The following DCXR variants were observed in gnomAD, a reference collection of about 807,000 sequenced individuals.
DCXR encodes dicarbonyl and L-xylulose reductase.
A neutral mutation model predicts 25.9 loss-of-function variants in DCXR; 24 were observed. The observed-to-expected ratio is 0.93, with a 90% CI of 0.67 to 1.30. The LOEUF is 1.30. Among genes scored for constraint, DCXR ranks in the 50% most tolerant of loss-of-function variants. The probability of loss-of-function intolerance (pLI) is 0.00; values close to 1 mark genes in which losing one functional copy is unlikely to be tolerated. For synonymous variants in DCXR, 161 were observed against 141.7 expected (o/e 1.14, Z -0.97); for missense variants, 348 against 333.7 (o/e 1.04, Z -0.33).
In DCXR at chr17:82,035,988, G is replaced by A. The variant is rs749403860; in HGVS notation, c.707C>T (p.Pro236Leu). 1.6e-5 allele frequency: 26 copies of A among 1,613,106 alleles called. No homozygotes were observed. Among genetic ancestry groups the A allele is most frequent in the Non-Finnish European group, 1.9e-5 (23 of 1,179,986 alleles). ...RSGMTTGSTL[P>L]VEGGFWAC ...GCAGGCCCAGAAGCCCCCTTCCACCGGCAAAGTGGAACCCGTGGTCATGCC... is the reference window on the plus strand; with the variant it reads ...GCAGGCCCAGAAGCCCCCTTCCACCAGCAAAGTGGAACCCGTGGTCATGCC... Residue 236 changes from proline to leucine, a missense_variant, in exon 8 of 8, where the codon CCG becomes CTG. By Grantham distance (98) the Pro-to-Leu change is moderately conservative. Transcript: ENST00000306869.
Position 82,037,033 on chromosome 17 carries a change from G to A in DCXR, c.151-20C>T, listed in dbSNP as rs775015729. 10 of 1,550,786 alleles carry A rather than the reference G, an allele frequency of 6.4e-6. No individual in the cohort carries two copies. In the African/African-American group the frequency reaches 1.4e-4, roughly 21 times the overall value. Reference sequence around the variant, plus strand: ...CGGGCACTGTGTGTATCAGGGGGCAGTTACCAGAGGCTCTGTGCCCAGCAA... The same window carrying A: ...CGGGCACTGTGTGTATCAGGGGGCAATTACCAGAGGCTCTGTGCCCAGCAA... On this transcript the variant is annotated intron_variant, in intron 2 of 7. Coordinates refer to ENST00000306869, the MANE Select transcript of DCXR (RefSeq NM_016286.4).
intron 2 of DCXR, 70 bp from the exon 3 acceptor site, chr17:82,037,083 G>A (rs1312199537): frequency 2.0e-6 from 3 of 1,537,448 alleles, no homozygotes; most frequent in Non-Finnish European, 2.6e-6. Context: ...GACTGGGGCT[G>A]GTGACCTTTC....
chr17:82,036,411 C>T lies in DCXR; in HGVS notation c.486G>A (p.Val162=). The change falls in exon 6 of 8, where the codon GTG becomes GTA. Residue 162 remains valine (V), a synonymous_variant. Transcript: ENST00000306869. The part of the protein sequence containing the change: ...TKGALDMLTK[V]MALELGPHKI... ...TGTGGGGCCCGAGCTCTAGGGCCAT[C>T]ACCTTGGTCAGCATGTCCAGGGCAC... The T allele has an allele frequency of 6.2e-7, 1 of 1,613,498 alleles. No homozygotes were observed. Among genetic ancestry groups the T allele is most frequent in the Non-Finnish European group, 8.5e-7 (1 of 1,179,992 alleles).
rs746517171 is a variant in DCXR at position 82,036,401 on chromosome 17, C to G, written c.496G>C (p.Glu166Gln). Reference protein sequence around the residue: ...LDMLTKVMALELGPHKIRVNA... With the variant: ...LDMLTKVMALQLGPHKIRVNA... Reference sequence around the variant, plus strand: ...CTGCTCACCTTGTGGGGCCCGAGCTCTAGGGCCATCACCTTGGTCAGCATG... The same window carrying G: ...CTGCTCACCTTGTGGGGCCCGAGCTGTAGGGCCATCACCTTGGTCAGCATG... The change falls in exon 6 of 8, where the codon GAG becomes CAG. Residue 166 changes from glutamate (E) to glutamine (Q), a missense_variant. Physicochemically the swap from Glu to Gln is conservative, Grantham distance 29. Coordinates refer to ENST00000306869, the MANE Select transcript of DCXR (RefSeq NM_016286.4). The G allele has an allele frequency of 6.2e-7, 1 of 1,613,424 alleles. No homozygotes were observed. The highest frequency in any genetic ancestry group is 8.5e-7 in the Non-Finnish European group (1 of 1,179,992).
intron 6 of DCXR, 29 bp downstream of exon 6, chr17:82,036,355 G>C (rs752672219): frequency 6.2e-7 from 1 of 1,613,256 alleles, no homozygotes; most frequent in Admixed American, 1.7e-5. Context: ...GGTGTCCTAG[G>C]TTGGGGGAGG....
rs12946976 is a variant in DCXR, at chr17:82,037,554, G to A, written c.53-7C>T. ...ACCGTGCCGCGCCCTATACCTGCCG[G>A]GAGCGGGCTCAGTGAAGGCGTCCCC... On this transcript the variant is annotated splice_region_variant and splice_polypyrimidine_tract_variant and intron_variant, in intron 1 of 7. Coordinates refer to ENST00000306869, the MANE Select transcript of DCXR (RefSeq NM_016286.4). 3.1e-5 allele frequency: 48 copies of A among 1,544,198 alleles called. No homozygotes were observed. The highest frequency in any genetic ancestry group is 4.2e-5 in the Non-Finnish European group (48 of 1,151,124).
chr17:82,037,095 G>C (rs759066373), intron 2 of DCXR, 82 bp from the exon 3 acceptor site: 2 of 1,522,190 alleles, frequency 1.3e-6, no homozygotes, highest in Non-Finnish European at 1.8e-6. Context: ...TGACCTTTCA[G>C]CCGGACAAGT....
In DCXR at chr17:82,035,978, C is replaced by G; in HGVS notation, c.717G>C (p.Gly239=). 6.2e-7 allele frequency: 1 copy of G among 1,613,086 alleles called. No homozygotes were observed. The highest frequency in any genetic ancestry group is 8.5e-7 in the Non-Finnish European group (1 of 1,179,966). The part of the protein sequence containing the change: ...MTTGSTLPVE[G]GFWAC ...AGGGAGCTCAGCAGGCCCAGAAGCC[C>G]CCTTCCACCGGCAAAGTGGAACCCG... The change falls in exon 8 of 8, where the codon GGG becomes GGC. Residue 239 remains glycine, a synonymous_variant. Transcript: ENST00000306869.
chr17:82,036,730 C>A lies in DCXR; in HGVS notation c.339G>T (p.Gln113His), dbSNP rs2043496070. 4.3e-6 allele frequency: 7 copies of A among 1,613,498 alleles called. No individual in the cohort carries two copies. Among genetic ancestry groups the A allele is most frequent in the African/African-American group, 1.3e-5 (1 of 74,910 alleles). ...CCACAGGGCAGCTCACCTGCGACAC[C>A]TGGATGACCGCACGCAGGTTCACCT... ...SFEVNLRAVI[Q>H]VSQIVARGLI... The change falls in exon 4 of 8, where the codon CAG (glutamine) becomes CAT (histidine). Residue 113 changes from glutamine to histidine, a missense_variant. Physicochemically the swap from Gln to His is conservative, Grantham distance 24. Coordinates refer to ENST00000306869, the MANE Select transcript of DCXR (RefSeq NM_016286.4).
chr17:82,037,116 G>C, intron 2 of DCXR, 103 bp from the exon 3 acceptor site: 2 of 1,456,874 alleles, frequency 1.4e-6, no homozygotes, highest in East Asian at 2.5e-5. Context: ...AAAGGAGTTA[G>C]GAGTTCCGAA....
chr17:82,035,942 G>A lies in DCXR; in HGVS notation c.*18C>T. ...GTAGGATGAGCACGGCATGGGGCTT[G>A]AGGTGTGTGGAGGGAGCTCAGCAGG... On this transcript the variant is annotated 3_prime_UTR_variant, in exon 8 of 8. Transcript: ENST00000306869. The A allele has an allele frequency of 6.2e-7, 1 of 1,601,908 alleles. No individual in the cohort carries two copies. Among genetic ancestry groups the A allele is most frequent in the Non-Finnish European group, 8.5e-7 (1 of 1,170,630 alleles).
At position 82,036,012 on chromosome 17, in the gene DCXR, C is replaced by G; in HGVS notation, c.683G>C (p.Gly228Ala). 6.2e-7 allele frequency: 1 copy of G among 1,613,366 alleles called. No individual in the cohort carries two copies. The highest frequency in any genetic ancestry group is 2.2e-5 in the East Asian group (1 of 44,884). Residue 228 changes from glycine to alanine, a missense_variant, in exon 8 of 8, where the codon GGC (glycine) becomes GCC (alanine). Physicochemically the swap from Gly to Ala is moderately conservative, Grantham distance 60. Transcript: ENST00000306869. The stretch of plus-strand genomic sequence containing the variant: ...CGGCAAAGTGGAACCCGTGGTCATG[C>G]CACTTCGGTCACTCAGCAGAAAGAG... ...AILFLLSDRS[G>A]MTTGSTLPVE... is the part of the protein sequence containing the mutation.
rs1446288681 is a variant in DCXR, at chr17:82,036,725, G to A, written c.344C>T (p.Ser115Leu). ...CCAGCCCACAGGGCAGCTCACCTGC[G>A]ACACCTGGATGACCGCACGCAGGTT... ...EVNLRAVIQV[S>L]QIVARGLIAR... Residue 115 changes from serine (S) to leucine (L), a missense_variant, in exon 4 of 8, where the codon TCG becomes TTG. Coordinates refer to ENST00000306869, the MANE Select transcript of DCXR (RefSeq NM_016286.4). 22 of 1,613,420 alleles carry A rather than the reference G, an allele frequency of 1.4e-5. No individual in the cohort carries two copies. The highest frequency in any genetic ancestry group is 5.5e-5 in the South Asian group (5 of 91,082).
Position 82,036,614 on chromosome 17 carries a change from T to G in DCXR, c.378A>C (p.Gly126=). 1 of 1,613,068 alleles carries G rather than the reference T, an allele frequency of 6.2e-7. No individual in the cohort carries two copies. The highest frequency in any genetic ancestry group is 8.5e-7 in the Non-Finnish European group (1 of 1,179,978). The change falls in exon 5 of 8, where the codon GGA becomes GGC. Residue 126 remains glycine (G), a synonymous_variant. Coordinates refer to ENST00000306869, the MANE Select transcript of DCXR (RefSeq NM_016286.4). ...AGACATTCACGATGGCCCCTGGGACTCCCCGGGCTATTAAGCCCCTGGCCA... is the reference window on the plus strand; with the variant it reads ...AGACATTCACGATGGCCCCTGGGACGCCCCGGGCTATTAAGCCCCTGGCCA... The part of the protein sequence containing the change: ...QIVARGLIAR[G]VPGAIVNVSS...
intron 2 of DCXR, 38 bp downstream of exon 2, chr17:82,037,412 C>T: frequency 6.6e-7 from 1 of 1,512,784 alleles, no homozygotes. Flanking sequence ...CCCCTCCTGG[C>T]TCGCCGCCTC....
intron 2 of DCXR, 40 bp downstream of exon 2, chr17:82,037,410 G>A: frequency 2.6e-6 from 4 of 1,511,128 alleles, no homozygotes; most frequent in Non-Finnish European, 2.6e-6. Context: ...GCCCCCTCCT[G>A]GCTCGCCGCC....
At chr17:82,037,427 C>T (rs2043505298) in intron 2 of DCXR, 23 bp downstream of exon 2, 6 of 1,520,168 alleles carry the variant, frequency 3.9e-6, no homozygotes, top group East Asian at 5.1e-5. Flanking sequence ...CGCCTCGCAG[C>T]GCTGGGACCC....
chr17:82,036,986 C>T lies in DCXR; in HGVS notation c.178G>A (p.Asp60Asn). Residue 60 changes from aspartate to asparagine, a missense_variant, in exon 3 of 8, where the codon GAC becomes AAC. Transcript: ENST00000306869. ...TCGGTGGCCTCCCAGTCACCCAGGT[C>T]CACGCACACGGGTTCTATCCCCGGG... ...ECPGIEPVCV[D>N]LGDWEATERA... 1 of 1,578,904 alleles carries T rather than the reference C, an allele frequency of 6.3e-7. No individual in the cohort carries two copies. The highest frequency in any genetic ancestry group is 8.6e-7 in the Non-Finnish European group (1 of 1,163,168).
chr17:82,036,291 T>A lies in DCXR; in HGVS notation c.531A>T (p.Val177=). The change falls in exon 7 of 8, where the codon GTA becomes GTT. Residue 177 remains valine, a synonymous_variant. Transcript: ENST00000306869. ...TGGACGTCATCACCACTGTGGGGTT[T>A]ACTGCATTCACTCGGATCTACACCG... The part of the protein sequence containing the change: ...LGPHKIRVNA[V]NPTVVMTSMG... The A allele has an allele frequency of 6.2e-7, 1 of 1,613,022 alleles. No homozygotes were observed. The highest frequency in any genetic ancestry group is 1.3e-5 in the African/African-American group (1 of 74,758).
Sources: gnomAD v4.1 joint callset for allele counts on GRCh38, gnomAD v4.1.1 for gene constraint, MANE v1.5 for transcripts, NCBI Gene and HGNC (gene_info 2026-07-23, HGNC 2026-07-21) for gene names.